Variants in ZNF717 observed in about 807,000 individuals in gnomAD.
The protein encoded by ZNF717 is zinc finger protein 717, also known as krueppel-like factor X17.
ZNF717 carries 9 observed loss-of-function variants against 13.8 expected under a neutral mutation model. That is an observed-to-expected ratio of 0.65 (90% CI 0.39 to 1.14). ZNF717 has a LOEUF of 1.14. Among genes scored for constraint, ZNF717 ranks in the 50% most tolerant of loss-of-function variants. The probability of loss-of-function intolerance (pLI) is 0.01; values close to 1 mark genes in which losing one functional copy is unlikely to be tolerated. For synonymous variants in ZNF717, 327 were observed against 364.1 expected (o/e 0.90, Z 1.16); for missense variants, 1,040 against 1,080.7 (o/e 0.96, Z 0.53).
At chr3:75,768,122 A>G (rs916610665) in intron 2 of ZNF717, among the ~76,000 whole-genome samples, 3 of 152,216 alleles carry the variant, frequency 2.0e-5, no homozygotes, top group African/African-American at 7.2e-5. Flanking sequence ...CAGGTGCCCC[A>G]TGGGAATGAC....
downstream of ZNF717, among the ~76,000 whole-genome samples, chr3:75,732,583 G>A (rs1203271365): frequency 5.3e-5 from 8 of 152,320 alleles, no homozygotes; most frequent in Middle Eastern, 3.4e-3. Context: ...TTCAACATGA[G>A]AGGACATATA....
intron 2 of ZNF717, among the ~76,000 whole-genome samples, chr3:75,760,909 GAA>G (rs60532141): frequency 6.6e-6 from 1 of 151,174 alleles, no homozygotes; most frequent in African/African-American, 2.4e-5. Context: ...GCCATATTAA[GAA>G]AAAAAGAGAA....
At chr3:75,716,734 G>C (rs1164353356) in intron 4 of ZNF717, among the ~76,000 whole-genome samples, 3 of 152,208 alleles carry the variant, frequency 2.0e-5, no homozygotes, top group Admixed American at 1.3e-4. Context: ...TATACTTTCT[G>C]TGGTTAGTTA....
At chr3:75,696,430 C>G (rs1288092466) in intron 6 of ZNF717, among the ~76,000 whole-genome samples, 2 of 152,308 alleles carry the variant, frequency 1.3e-5, no homozygotes, top group Admixed American at 6.5e-5. Flanking sequence ...ATTAAAAAAG[C>G]AAACTACAGG....
chr3:75,781,358 C>T (rs1162952580), intron 2 of ZNF717, among the ~76,000 whole-genome samples: 1 of 152,204 alleles, frequency 6.6e-6, no homozygotes, highest in Non-Finnish European at 1.5e-5. Flanking sequence ...TATAAATCTT[C>T]TTCCACCAAA....
At chr3:75,706,278 G>A (rs1327582562), downstream of ZNF717, among the ~76,000 whole-genome samples, 29 of 151,964 alleles carry the variant, frequency 1.9e-4, no homozygotes, top group African/African-American at 7.0e-4. Context: ...ACCCCAAGAA[G>A]GGACAGGCAT....
At chr3:75,695,164 C>T (rs1381273836) in intron 6 of ZNF717, among the ~76,000 whole-genome samples, 1 of 139,182 alleles carries the variant, frequency 7.2e-6, no homozygotes, top group African/African-American at 2.7e-5. Context: ...CAACAGAAAC[C>T]AAAAAAGAGC....
chr3:75,725,084 C>T (rs1938251211), downstream of ZNF717, among the ~76,000 whole-genome samples: 1 of 150,834 alleles, frequency 6.6e-6, no homozygotes, highest in African/African-American at 2.4e-5. Context: ...GTGAAACCCT[C>T]CCTCCCTCTC....
chr3:75,735,334 A>C (rs1331277819), downstream of ZNF717, among the ~76,000 whole-genome samples: 1 of 152,126 alleles, frequency 6.6e-6, no homozygotes, highest in Non-Finnish European at 1.5e-5. Context: ...GCAACTAGTA[A>C]AAACCAAAGT....
chr3:75,728,919 G>A (rs1437132024), downstream of ZNF717, among the ~76,000 whole-genome samples: 1 of 149,252 alleles, frequency 6.7e-6, no homozygotes. Flanking sequence ...TGTGTCAGGT[G>A]GGCAGAGGGG....
intron 4 of ZNF717, among the ~76,000 whole-genome samples, chr3:75,721,570 C>CA (rs1656810030): frequency 6.6e-6 from 1 of 152,208 alleles, no homozygotes; most frequent in Non-Finnish European, 1.5e-5. Flanking sequence ...CGTGAGCCCC[C>CA]ACGCCTGGCC....
chr3:75,781,036 A>G, intron 2 of ZNF717, among the ~76,000 whole-genome samples: 1 of 152,388 alleles, frequency 6.6e-6, no homozygotes, highest in African/African-American at 2.4e-5. Context: ...GTTTTGGCCA[A>G]TCTCTCAAAA....
At chr3:75,778,001 A>G (rs1177999568) in intron 2 of ZNF717, among the ~76,000 whole-genome samples, 2 of 151,032 alleles carry the variant, frequency 1.3e-5, no homozygotes, top group African/African-American at 4.9e-5. Flanking sequence ...GTGACTTGCT[A>G]AAACCGGAAA....
At chr3:75,759,108 A>G (rs185038884) in intron 2 of ZNF717, among the ~76,000 whole-genome samples, 271 of 152,364 alleles carry the variant, frequency 1.8e-3, no homozygotes, top group African/African-American at 5.9e-3. Flanking sequence ...TATACAGCAC[A>G]GTATAAACAT....
intron 2 of ZNF717, among the ~76,000 whole-genome samples, chr3:75,770,213 TTA>T (rs1262436986): frequency 6.6e-6 from 1 of 152,204 alleles, no homozygotes; most frequent in Non-Finnish European, 1.5e-5. Context: ...TCTGTGCTTG[TTA>T]GTGAACACCA....
chr3:75,696,611 G>T (rs1294596286), intron 6 of ZNF717, among the ~76,000 whole-genome samples: 1 of 152,296 alleles, frequency 6.6e-6, no homozygotes. Context: ...AGAATGAAGG[G>T]ACCAGGCACA....
downstream of ZNF717, among the ~76,000 whole-genome samples, chr3:75,726,495 C>T (rs1575725370): frequency 2.0e-5 from 3 of 152,176 alleles, no homozygotes; most frequent in East Asian, 1.9e-4. Flanking sequence ...TGGTGATGCA[C>T]GGTATTATGA....
chr3:75,761,455 T>C (rs146692877), intron 2 of ZNF717, among the ~76,000 whole-genome samples: 3,815 of 145,760 alleles, frequency 0.026, no homozygotes, highest in South Asian at 0.13. Flanking sequence ...ACTTTTCCTC[T>C]AGGATCAGGA....
intron 4 of ZNF717, among the ~76,000 whole-genome samples, chr3:75,719,801 A>G (rs2079413582): frequency 6.6e-6 from 1 of 152,048 alleles, no homozygotes; most frequent in Non-Finnish European, 1.5e-5. Flanking sequence ...TACTAAAAAT[A>G]CAAAAAATTT....
Sources: allele counts gnomAD v4.1 joint callset (sites outside exome capture counted in the v4.1 genomes callset), GRCh38; gene constraint gnomAD v4.1.1; transcripts MANE v1.5; gene names NCBI Gene and HGNC (gene_info 2026-07-23, HGNC 2026-07-21).